Variants in VLDLR observed in about 807,000 individuals in gnomAD.
The protein encoded by VLDLR is very low density lipoprotein receptor, also known as very low-density lipoprotein receptor.
VLDLR carries 81 observed loss-of-function variants against 112.7 expected under a neutral mutation model. That is an observed-to-expected ratio of 0.72 (90% CI 0.60 to 0.86). The LOEUF is 0.86. Among genes scored for constraint, VLDLR ranks in the 40% least tolerant of loss-of-function variants. The pLI is 0.00. For synonymous variants in VLDLR, 436 were observed against 384.8 expected (o/e 1.13, Z -1.56); for missense variants, 1,237 against 1,099.4 (o/e 1.13, Z -1.77).
chr9:2,634,646 A>T (rs10812381), intron 1 of VLDLR, among the ~76,000 whole-genome samples: 87,843 of 152,042 alleles, frequency 0.58, 25,837 homozygotes, highest in East Asian at 0.69. Context: ...AGAAATCGAA[A>T]CTACATCTTC....
In VLDLR at chr9:2,645,092, C is replaced by G; in HGVS notation, c.1312+10C>G. ...GTGTGCAAGGCAGTAGGTAAATGAA[C>G]TTGGACTGGTATGGCTGTTGTACCT... On this transcript the variant is annotated intron_variant, in intron 9 of 18. Coordinates refer to ENST00000382100, the MANE Select transcript of VLDLR (RefSeq NM_003383.5). The G allele has an allele frequency of 6.2e-7, 1 of 1,614,102 alleles. No homozygotes were observed. The highest frequency in any genetic ancestry group is 8.5e-7 in the Non-Finnish European group (1 of 1,180,004).
At chr9:2,627,889 C>T (rs1293548133) in intron 1 of VLDLR, among the ~76,000 whole-genome samples, 1 of 150,332 alleles carries the variant, frequency 6.7e-6, no homozygotes, top group Admixed American at 6.6e-5. Context: ...AAAATTGCTA[C>T]AAAGATGAGG....
intron 1 of VLDLR, among the ~76,000 whole-genome samples, chr9:2,626,059 G>T (rs1482080586): frequency 1.3e-5 from 2 of 152,212 alleles, no homozygotes; most frequent in African/African-American, 4.8e-5. Context: ...ACTTAGTTAA[G>T]TACACTAACT....
At chr9:2,625,880 A>G (rs1177785129) in intron 1 of VLDLR, among the ~76,000 whole-genome samples, 1 of 152,228 alleles carries the variant, frequency 6.6e-6, no homozygotes, top group African/African-American at 2.4e-5. Flanking sequence ...CTGAGGACTG[A>G]TAGTTTTTCT....
Position 2,651,781 on chromosome 9 carries a change from T to C in VLDLR, c.2336-93T>C. The C allele has an allele frequency of 2.2e-6, 3 of 1,363,006 alleles. No individual in the cohort carries two copies. The South Asian group carries it at 3.5e-5, about 16-fold the overall frequency. The allele number at this position is 1,363,006 out of a possible 1,614,324, so 84.4% of individuals were successfully genotyped here. On this transcript the variant is annotated intron_variant, in intron 16 of 18. Transcript: ENST00000382100. ...TTGTTGTAGATACTGAACATCAATA[T>C]TGGATGCAAAGGTTTTGGCTCCTTA...
Position 2,643,691 on chromosome 9 carries a change from G to A in VLDLR, c.884G>A (p.Arg295Lys), listed in dbSNP as rs760632770. 2 of 1,614,240 alleles carry A rather than the reference G, an allele frequency of 1.2e-6. No individual in the cohort carries two copies. Among genetic ancestry groups the A allele is most frequent in the South Asian group, 2.2e-5 (2 of 91,086 alleles). ...CEDGSCIHGSRQCNGIRDCVD... is the reference protein window; with the variant it reads ...CEDGSCIHGSKQCNGIRDCVD... Reference sequence around the variant, plus strand: ...GATGGCAGCTGCATCCATGGCAGCAGGCAGTGTAATGGTATCCGAGACTGT... The same window carrying A: ...GATGGCAGCTGCATCCATGGCAGCAAGCAGTGTAATGGTATCCGAGACTGT... Residue 295 changes from arginine to lysine, a missense_variant, in exon 6 of 19, where the codon AGG (arginine) becomes AAG (lysine). Coordinates refer to ENST00000382100, the MANE Select transcript of VLDLR (RefSeq NM_003383.5).
intron 15 of VLDLR, among the ~76,000 whole-genome samples, chr9:2,651,204 C>G (rs992626637): frequency 6.6e-6 from 1 of 152,192 alleles, no homozygotes; most frequent in Non-Finnish European, 1.5e-5. Context: ...AAATTCCAAA[C>G]ACCGACTGTC....
At chr9:2,625,833 T>C (rs976466179) in intron 1 of VLDLR, among the ~76,000 whole-genome samples, 1 of 152,224 alleles carries the variant, frequency 6.6e-6, no homozygotes, top group South Asian at 2.1e-4. Flanking sequence ...CCAGGGACAA[T>C]TTTTTCTGCC....
chr9:2,644,551 C>G (rs1050199899), intron 7 of VLDLR, among the ~76,000 whole-genome samples, 183 bp from the exon 8 acceptor site: 30 of 152,072 alleles, frequency 2.0e-4, no homozygotes, highest in Admixed American at 3.9e-4. Context: ...CAGCTGGTAA[C>G]TTGCCGAGGA....
intron 1 of VLDLR, among the ~76,000 whole-genome samples, chr9:2,635,051 T>C (rs1383718778): frequency 3.9e-5 from 6 of 152,206 alleles, no homozygotes; most frequent in Admixed American, 3.9e-4. Flanking sequence ...TATTTTCGTC[T>C]GGCTCCATTT....
intron 1 of VLDLR, among the ~76,000 whole-genome samples, chr9:2,627,864 CAAA>C (rs544070052): frequency 2.9e-5 from 3 of 104,376 alleles, no homozygotes; most frequent in Admixed American, 9.9e-5. Context: ...GAATCCATCT[CAAA>C]AAAAAAAAAA....
chr9:2,627,965 A>C lies in VLDLR; in HGVS notation c.82+5694A>C. ...AACCTAGAGTCTTTCAAAGTATTCT[A>C]GCTAGTAAAACAACCAGTCACACTT... is the stretch of plus-strand genomic sequence containing the variant. On this transcript the variant is annotated intron_variant, in intron 1 of 18. Coordinates refer to ENST00000382100, the MANE Select transcript of VLDLR (RefSeq NM_003383.5). Among the ~76,000 whole-genome samples the C allele has an allele frequency of 2.0e-5, 3 of 152,242 alleles. No individual in the cohort carries two copies. The South Asian group carries it at 6.2e-4, about 32-fold the overall frequency.
At chr9:2,639,531 G>A (rs1817739460) in intron 2 of VLDLR, among the ~76,000 whole-genome samples, 1 of 152,158 alleles carries the variant, frequency 6.6e-6, no homozygotes, top group Non-Finnish European at 1.5e-5. Flanking sequence ...TGGAAGAAAT[G>A]CATGTAGAAA....
chr9:2,647,546 T>C lies in VLDLR; in HGVS notation c.1776T>C (p.Arg592=). The change falls in exon 12 of 19, where the codon CGT becomes CGC. Residue 592 remains arginine (R), a synonymous_variant. Coordinates refer to ENST00000382100, the MANE Select transcript of VLDLR (RefSeq NM_003383.5). Reference sequence around the variant, plus strand: ...CAGGAATGAATGGATTCGATAGACGTCCACTGGTGACAGCGGATATCCAGT... The same window carrying C: ...CAGGAATGAATGGATTCGATAGACGCCCACTGGTGACAGCGGATATCCAGT... The part of the protein sequence containing the change: ...EKAGMNGFDR[R]PLVTADIQWP... 3 of 1,614,190 alleles carry C rather than the reference T, an allele frequency of 1.9e-6. No homozygotes were observed. Among genetic ancestry groups the C allele is most frequent in the Non-Finnish European group, 2.5e-6 (3 of 1,180,008 alleles).
At chr9:2,641,591 C>G (rs1005527708) in intron 4 of VLDLR, 92 bp downstream of exon 4, 2 of 1,577,424 alleles carry the variant, frequency 1.3e-6, no homozygotes, top group Non-Finnish European at 1.7e-6. Context: ...TGAAGACGCA[C>G]TGACATTGAC....
chr9:2,646,105 G>T (rs1025339577), intron 10 of VLDLR, among the ~76,000 whole-genome samples: 2 of 151,776 alleles, frequency 1.3e-5, no homozygotes, highest in East Asian at 3.9e-4. Flanking sequence ...GCTTCACTTA[G>T]AAATTTGTTG....
At chr9:2,638,964 C>T (rs919707909) in intron 2 of VLDLR, among the ~76,000 whole-genome samples, 2 of 152,156 alleles carry the variant, frequency 1.3e-5, no homozygotes, top group African/African-American at 4.8e-5. Context: ...GAGTTTTCTC[C>T]CCTTTCTACC....
At chr9:2,629,816 G>A (rs1817257676) in intron 1 of VLDLR, among the ~76,000 whole-genome samples, 1 of 152,134 alleles carries the variant, frequency 6.6e-6, no homozygotes, top group African/African-American at 2.4e-5. Context: ...TTGTTTTCGA[G>A]ATGGAGTTTC....
At chr9:2,636,235 A>G (rs1429576384) in intron 2 of VLDLR, among the ~76,000 whole-genome samples, 2 of 152,202 alleles carry the variant, frequency 1.3e-5, no homozygotes, top group Non-Finnish European at 2.9e-5. Flanking sequence ...GCATGGCAAG[A>G]TTACATTTAC....
Sources: allele counts gnomAD v4.1 joint callset (sites outside exome capture counted in the v4.1 genomes callset), GRCh38; gene constraint gnomAD v4.1.1; transcripts MANE v1.5; gene names NCBI Gene and HGNC (gene_info 2026-07-23, HGNC 2026-07-21).